The following SOCS5 variants were observed in gnomAD, a reference collection of about 807,000 sequenced individuals.
The protein encoded by SOCS5 is CIS-6.
SOCS5 carries 32 observed loss-of-function variants against 42.8 expected under a neutral mutation model. The observed-to-expected ratio is 0.75, with a 90% CI of 0.56 to 1.01. The LOEUF (loss-of-function observed/expected upper bound fraction) is 1.01, where lower values mean the gene tolerates loss of function less well. Among genes scored for constraint, SOCS5 ranks in the 50% least tolerant of loss-of-function variants. The probability of loss-of-function intolerance (pLI) is 0.00; values close to 1 mark genes in which losing one functional copy is unlikely to be tolerated. For synonymous variants in SOCS5, 283 were observed against 229.6 expected (o/e 1.23, Z -2.10); for missense variants, 627 against 653.0 (o/e 0.96, Z 0.43).
chr2:46,731,676 C>A (rs183199781), intron 1 of SOCS5, among the ~76,000 whole-genome samples: 1 of 152,146 alleles, frequency 6.6e-6, no homozygotes, highest in Admixed American at 6.5e-5. Flanking sequence ...CAAAATACTG[C>A]GTCCAGTCAG....
chr2:46,730,301 T>C (rs1453620403), intron 1 of SOCS5, among the ~76,000 whole-genome samples: 3 of 152,140 alleles, frequency 2.0e-5, no homozygotes, highest in Non-Finnish European at 4.4e-5. Context: ...TGAGATTGGC[T>C]TAGATTAAGA....
chr2:46,750,359 T>A (rs1325515725), intron 1 of SOCS5, among the ~76,000 whole-genome samples: 1 of 152,164 alleles, frequency 6.6e-6, no homozygotes, highest in Non-Finnish European at 1.5e-5. Flanking sequence ...TACTTACTTT[T>A]TTTTTAATTA....
intron 1 of SOCS5, among the ~76,000 whole-genome samples, chr2:46,739,498 A>G (rs1465899282): frequency 6.6e-6 from 1 of 152,194 alleles, no homozygotes; most frequent in East Asian, 1.9e-4. Flanking sequence ...AATGTAACCC[A>G]TATATAAAAG....
At chr2:46,730,213 TACTATGCCATGTAATGC>T (rs1673085722) in intron 1 of SOCS5, among the ~76,000 whole-genome samples, 1 of 152,210 alleles carries the variant, frequency 6.6e-6, no homozygotes. Context: ...ATCTGGTAAC[TACTATGCCATGTAATGC>T]TCGGTATTTT....
rs550116949 is a variant in SOCS5, at chr2:46,710,431, C to T, written c.-13+10982C>T. Among the ~76,000 whole-genome samples the T allele has an allele frequency of 3.3e-5, 5 of 152,266 alleles. No homozygotes were observed. In the East Asian group the frequency reaches 7.7e-4, roughly 23 times the overall value. ...AAGTGTTGGGATTACAGGTGTGAGCCGCAGTGCCTGGCCTCCTTTAATTTT... is the reference window on the plus strand; with the variant it reads ...AAGTGTTGGGATTACAGGTGTGAGCTGCAGTGCCTGGCCTCCTTTAATTTT... On this transcript the variant is annotated intron_variant, in intron 1 of 1. Transcript: ENST00000394861.
chr2:46,748,608 ATTAG>A (rs1165653688), intron 1 of SOCS5, among the ~76,000 whole-genome samples: 1 of 152,056 alleles, frequency 6.6e-6, no homozygotes, highest in Non-Finnish European at 1.5e-5. Context: ...ATTATTTTCC[ATTAG>A]TTTTTTTTAG....
At position 46,759,709 on chromosome 2, in the gene SOCS5, C is replaced by T. The variant is rs199571798; in HGVS notation, c.1179C>T (p.Ala393=). The T allele has an allele frequency of 5.6e-5, 90 of 1,613,972 alleles. No individual in the cohort carries two copies. Among genetic ancestry groups the T allele is most frequent in the Non-Finnish European group, 6.9e-5 (81 of 1,180,000 alleles). ...WGVMDRYEAE[A]LLEGKPEGTF... The stretch of plus-strand genomic sequence containing the variant: ...TGATGGACCGTTATGAAGCAGAAGC[C>T]CTTCTCGAAGGGAAACCTGAAGGCA... Residue 393 remains alanine (A), a synonymous_variant, in exon 2 of 2, where the codon GCC becomes GCT. Coordinates refer to ENST00000394861, the MANE Select transcript of SOCS5 (RefSeq NM_144949.3).
rs143225470 is a variant in SOCS5 at position 46,746,616 on chromosome 2, A to G, written c.-12-11903A>G. On this transcript the variant is annotated intron_variant, in intron 1 of 1. Coordinates refer to ENST00000394861, the MANE Select transcript of SOCS5 (RefSeq NM_144949.3). ...CAGTGAGCCGAGATTGCACCACTGCACTCCAGCCTGGGCGACAGAGACTCC... is the reference window on the plus strand; with the variant it reads ...CAGTGAGCCGAGATTGCACCACTGCGCTCCAGCCTGGGCGACAGAGACTCC... Among the ~76,000 whole-genome samples the G allele has an allele frequency of 3.0e-3, 453 of 150,392 alleles. 3 individuals are homozygous for G. The highest frequency in any genetic ancestry group is 0.011 in the African/African-American group (442 of 40,760).
intron 1 of SOCS5, among the ~76,000 whole-genome samples, chr2:46,729,050 G>A (rs570728472): frequency 3.3e-5 from 5 of 152,298 alleles, no homozygotes; most frequent in East Asian, 1.9e-4. Context: ...TTGACAAGCC[G>A]TCTGTTATCC....
chr2:46,731,282 G>C (rs186124117), intron 1 of SOCS5, among the ~76,000 whole-genome samples: 7 of 152,294 alleles, frequency 4.6e-5, no homozygotes, highest in Admixed American at 3.9e-4. Context: ...GAAAAGATGA[G>C]AGTTCTCCTT....
intron 1 of SOCS5, among the ~76,000 whole-genome samples, chr2:46,744,682 C>T (rs2103746299): frequency 6.6e-6 from 1 of 152,040 alleles, no homozygotes; most frequent in South Asian, 2.1e-4. Context: ...CGCATGCCCC[C>T]ATGCCCGCTA....
intron 1 of SOCS5, among the ~76,000 whole-genome samples, chr2:46,717,178 C>T (rs1357162588): frequency 2.0e-5 from 3 of 152,118 alleles, no homozygotes; most frequent in African/African-American, 4.8e-5. Flanking sequence ...GTTCGATGCC[C>T]TGCAAATTCT....
intron 1 of SOCS5, among the ~76,000 whole-genome samples, chr2:46,709,026 A>G (rs1364257028): frequency 6.6e-6 from 1 of 151,778 alleles, no homozygotes; most frequent in Non-Finnish European, 1.5e-5. Flanking sequence ...AGCGGGGACT[A>G]CAGGCATGCA....
chr2:46,709,931 A>G (rs915901881), intron 1 of SOCS5, among the ~76,000 whole-genome samples: 2 of 152,136 alleles, frequency 1.3e-5, no homozygotes, highest in East Asian at 3.9e-4. Flanking sequence ...AAACTTTCCT[A>G]GACATGAGAA....
At chr2:46,700,073 CT>C (rs1418392365) in intron 1 of SOCS5, among the ~76,000 whole-genome samples, 4 of 152,110 alleles carry the variant, frequency 2.6e-5, no homozygotes, top group African/African-American at 9.7e-5. Context: ...ACTTGGGCTC[CT>C]AAGAGTCTTT....
chr2:46,741,294 C>T (rs140746322), intron 1 of SOCS5, among the ~76,000 whole-genome samples: 15 of 152,222 alleles, frequency 9.9e-5, no homozygotes, highest in Non-Finnish European at 1.8e-4. Context: ...GGCTGGAGTG[C>T]AGTGGTGCGA....
chr2:46,759,749 G>C lies in SOCS5; in HGVS notation c.1219G>C (p.Asp407His). ...GKPEGTFLLR[D>H]SAQEDYLFSV... The stretch of plus-strand genomic sequence containing the variant: ...ACCTGAAGGCACGTTTTTGCTCAGG[G>C]ACTCTGCGCAAGAGGACTACCTCTT... The change falls in exon 2 of 2, where the codon GAC (aspartate) becomes CAC (histidine). Residue 407 changes from aspartate to histidine, a missense_variant. This residue lies in a region of SOCS5 where 340 missense variants were observed against 367.6 expected (regional missense o/e 0.92). Transcript: ENST00000394861. 1 of 1,614,130 alleles carries C rather than the reference G, an allele frequency of 6.2e-7. No individual in the cohort carries two copies.
intron 1 of SOCS5, among the ~76,000 whole-genome samples, chr2:46,721,522 G>C (rs1476992733): frequency 1.3e-5 from 2 of 152,170 alleles, no homozygotes; most frequent in African/African-American, 4.8e-5. Flanking sequence ...GAAGGTTTAA[G>C]ATAGAGAAGT....
chr2:46,725,231 A>G (rs1428379811), intron 1 of SOCS5, among the ~76,000 whole-genome samples: 1 of 151,496 alleles, frequency 6.6e-6, no homozygotes, highest in Non-Finnish European at 1.5e-5. Flanking sequence ...TCATCCTTTT[A>G]CTTCTAACCT....
Sources: gnomAD v4.1 joint callset for allele counts (sites outside exome capture counted in the v4.1 genomes callset) on GRCh38, gnomAD v4.1.1 for gene constraint, gnomAD v4.1.1 regional missense constraint, MANE v1.5 for transcripts, NCBI Gene and HGNC (gene_info 2026-07-23, HGNC 2026-07-21) for gene names.